Variants in RNF185 observed in about 807,000 individuals in gnomAD.
RNF185 encodes the protein ring finger protein 185.
In RNF185, 13 loss-of-function variants were observed where a neutral mutation model predicts 24.9. The ratio of observed to expected loss-of-function variants is 0.52; its 90% CI spans 0.34 to 0.83. The LOEUF is 0.83. Ranked by LOEUF, RNF185 falls within the 40% of genes least tolerant of loss-of-function variation. The probability of loss-of-function intolerance (pLI) is 0.01; values close to 1 mark genes in which losing one functional copy is unlikely to be tolerated. For synonymous variants in RNF185, 79 were observed against 90.3 expected, an observed-to-expected ratio of 0.88 and a Z score of 0.71; for missense variants, 184 against 244.7, an observed-to-expected ratio of 0.75 and a Z score of 1.65.
chr22:31,195,910 G>T (rs1321058458), intron 4 of RNF185, among the ~76,000 whole-genome samples: 5 of 152,192 alleles, frequency 3.3e-5, no homozygotes, highest in Admixed American at 3.3e-4. Context: ...AAGCATGGCG[G>T]GAGGGGAAAC....
In RNF185 at chr22:31,195,591, C is replaced by T; in HGVS notation, c.308+10C>T. ...GGCAACAGGACCCCAGGTGAGGACTCAGGATGCCTCTCCCAACCACTTCTC... is the reference window on the plus strand; with the variant it reads ...GGCAACAGGACCCCAGGTGAGGACTTAGGATGCCTCTCCCAACCACTTCTC... On this transcript the variant is annotated intron_variant, in intron 4 of 6. Coordinates refer to ENST00000326132, the MANE Select transcript of RNF185 (RefSeq NM_152267.4). 6.4e-7 allele frequency: 1 copy of T among 1,552,640 alleles called. No homozygotes were observed. Among genetic ancestry groups the T allele is most frequent in the African/African-American group, 1.4e-5 (1 of 73,554 alleles).
At chr22:31,166,979 G>A (rs1351617510) in intron 1 of RNF185, among the ~76,000 whole-genome samples, 4 of 152,094 alleles carry the variant, frequency 2.6e-5, no homozygotes, top group African/African-American at 9.7e-5. Flanking sequence ...GGCCTACATA[G>A]ATTTCCATTT....
At chr22:31,165,627 A>G (rs920008646) in intron 1 of RNF185, among the ~76,000 whole-genome samples, 5 of 152,230 alleles carry the variant, frequency 3.3e-5, no homozygotes, top group Non-Finnish European at 5.9e-5. Flanking sequence ...GCTACTGACC[A>G]TGCAGAGCTT....
chr22:31,196,579 C>T (rs1349921452), intron 4 of RNF185, among the ~76,000 whole-genome samples: 2 of 152,162 alleles, frequency 1.3e-5, no homozygotes, highest in Non-Finnish European at 2.9e-5. Flanking sequence ...GACAACCCAC[C>T]CTCTGTTCCA....
intron 3 of RNF185, among the ~76,000 whole-genome samples, chr22:31,193,793 C>T (rs931414722): frequency 1.4e-4 from 6 of 44,020 alleles, no homozygotes; most frequent in African/African-American, 6.1e-4. Flanking sequence ...GACTCTGTTT[C>T]GAGAAAAAAA....
chr22:31,203,162 CCA>C (rs2048280341), intron 6 of RNF185, among the ~76,000 whole-genome samples: 1 of 151,738 alleles, frequency 6.6e-6, no homozygotes, highest in South Asian at 2.1e-4. Context: ...TATCCCCCTG[CCA>C]CAGTCACAGT....
intron 5 of RNF185, 140 bp from the exon 6 acceptor site, chr22:31,201,358 C>G: frequency 2.8e-6 from 2 of 711,504 alleles, no homozygotes; most frequent in South Asian, 3.2e-5. Context: ...AAGCTGTCCC[C>G]CACCTTCGAA....
At chr22:31,183,810 ATC>A (rs1421051099) in intron 1 of RNF185, among the ~76,000 whole-genome samples, 7 of 152,142 alleles carry the variant, frequency 4.6e-5, no homozygotes, top group Non-Finnish European at 8.8e-5. Context: ...TAACAATCTG[ATC>A]TCTCTTTCTT....
At chr22:31,203,573 C>G (rs1480449770) in intron 6 of RNF185, among the ~76,000 whole-genome samples, 1 of 152,194 alleles carries the variant, frequency 6.6e-6, no homozygotes, top group Non-Finnish European at 1.5e-5. Flanking sequence ...ATAGAAGATA[C>G]TTAACAAATA....
chr22:31,192,545 T>C (rs2048165327), intron 2 of RNF185, 139 bp from the exon 3 acceptor site: 2 of 730,856 alleles, frequency 2.7e-6, no homozygotes, highest in Admixed American at 4.2e-5. Flanking sequence ...GGGCATGCAG[T>C]GCTCCATAGT....
chr22:31,172,289 A>G (rs2047938112), intron 1 of RNF185, among the ~76,000 whole-genome samples: 1 of 152,022 alleles, frequency 6.6e-6, no homozygotes, highest in Admixed American at 6.6e-5. Context: ...GGAGTTCGAG[A>G]CCAGCCTGAC....
In RNF185 at chr22:31,200,023, G is replaced by A. The variant is rs1601378885; in HGVS notation, c.364-1475G>A. ...TTCTAAACCTCTCATCAGGGGTGCA[G>A]GGGAAGAGAAAAAAATATTTGAAAG... On this transcript the variant is annotated intron_variant, in intron 5 of 6. Transcript: ENST00000326132. Among the ~76,000 whole-genome samples, 23 of 152,246 alleles carry A rather than the reference G, an allele frequency of 1.5e-4. 1 individual carries two copies. The South Asian group carries it at 4.6e-3, about 30-fold the overall frequency.
chr22:31,194,844 T>G (rs1490940796), intron 3 of RNF185, among the ~76,000 whole-genome samples: 1 of 152,214 alleles, frequency 6.6e-6, no homozygotes, highest in Non-Finnish European at 1.5e-5. Context: ...CAGCCTAAAT[T>G]GAGGCTGGGC....
chr22:31,203,887 A>C (rs2048287534), intron 6 of RNF185, among the ~76,000 whole-genome samples: 1 of 151,450 alleles, frequency 6.6e-6, no homozygotes. Flanking sequence ...AATACAAAAA[A>C]AAAATTAGCC....
chr22:31,195,611 C>T (rs2048198636), intron 4 of RNF185, 30 bp downstream of exon 4: 1 of 1,396,022 alleles, frequency 7.2e-7, no homozygotes, highest in Non-Finnish European at 1.0e-6. Context: ...CTCCCAACCA[C>T]TTCTCCCCTT....
intron 1 of RNF185, among the ~76,000 whole-genome samples, chr22:31,173,206 C>A (rs1368411443): frequency 1.3e-5 from 2 of 150,318 alleles, no homozygotes; most frequent in African/African-American, 2.5e-5. Context: ...GGTTGCAGAT[C>A]CCTCAATTTT....
intron 1 of RNF185, among the ~76,000 whole-genome samples, chr22:31,165,809 A>G (rs555385886): frequency 1.3e-5 from 2 of 152,244 alleles, no homozygotes; most frequent in African/African-American, 4.8e-5. Context: ...ATAGGCAGGG[A>G]GTAGAGGAGT....
At chr22:31,201,733 T>A in intron 6 of RNF185, 118 bp downstream of exon 6, 1 of 736,504 alleles carries the variant, frequency 1.4e-6, no homozygotes, top group Non-Finnish European at 2.3e-6. Flanking sequence ...ATAATCAGCC[T>A]TTTCAAAATA....
chr22:31,198,928 C>G (rs1472578037), intron 5 of RNF185, among the ~76,000 whole-genome samples: 1 of 150,208 alleles, frequency 6.7e-6, no homozygotes, highest in Non-Finnish European at 1.5e-5. Flanking sequence ...AACCCTGTCT[C>G]TGCTTTCTTA....
Sources: gnomAD v4.1 joint callset for allele counts (sites outside exome capture counted in the v4.1 genomes callset) on GRCh38, gnomAD v4.1.1 for gene constraint, MANE v1.5 for transcripts, NCBI Gene and HGNC (gene_info 2026-07-23, HGNC 2026-07-21) for gene names.